Variants in OVCH1 observed in about 807,000 individuals in gnomAD.
OVCH1 encodes ovochymase 1.
A neutral mutation model predicts 138.4 loss-of-function variants in OVCH1; 139 were observed. The ratio of observed to expected loss-of-function variants is 1.00; its 90% confidence interval spans 0.87 to 1.16. The LOEUF (loss-of-function observed/expected upper bound fraction) is 1.16. Among genes scored for constraint, OVCH1 ranks in the 50% most tolerant of loss-of-function variants. The probability of loss-of-function intolerance (pLI) is 0.00; values close to 1 mark genes in which losing one functional copy is unlikely to be tolerated. For synonymous variants in OVCH1, 453 were observed against 467.8 expected (o/e 0.97, Z 0.41); for missense variants, 1,367 against 1,357.9 (o/e 1.01, Z -0.11).
chr12:29,432,743 G>A (rs1941291914), intron 27 of OVCH1, among the ~76,000 whole-genome samples: 1 of 152,230 alleles, frequency 6.6e-6, no homozygotes, highest in South Asian at 2.1e-4. Context: ...TCAAAGACTG[G>A]GTCCTGGGAT....
downstream of OVCH1, among the ~76,000 whole-genome samples, chr12:29,423,773 C>T (rs145219546): frequency 4.6e-5 from 7 of 152,208 alleles, no homozygotes; most frequent in East Asian, 1.9e-4. Context: ...TTCATGATAA[C>T]GGTATCTCAG....
chr12:29,428,960 C>T (rs954024289), intron 27 of OVCH1, among the ~76,000 whole-genome samples: 1 of 152,172 alleles, frequency 6.6e-6, no homozygotes, highest in African/African-American at 2.4e-5. Flanking sequence ...ATTATTCAAG[C>T]TTGGTAAGTG....
intron 19 of OVCH1, among the ~76,000 whole-genome samples, chr12:29,458,277 G>C (rs750899609): frequency 1.3e-5 from 2 of 151,762 alleles, no homozygotes; most frequent in Non-Finnish European, 2.9e-5. Flanking sequence ...GCACAGTACT[G>C]GCATAAAAAC....
intron 27 of OVCH1, among the ~76,000 whole-genome samples, chr12:29,431,185 C>G (rs988310054): frequency 6.6e-6 from 1 of 152,132 alleles, no homozygotes; most frequent in African/African-American, 2.4e-5. Context: ...GCCTGTAATT[C>G]CAGCACTTTG....
At chr12:29,458,534 T>A (rs558747956) in intron 19 of OVCH1, among the ~76,000 whole-genome samples, 12 of 152,188 alleles carry the variant, frequency 7.9e-5, no homozygotes, top group African/African-American at 2.6e-4. Flanking sequence ...CCTCAAACTA[T>A]AAAATTAATA....
intron 27 of OVCH1, among the ~76,000 whole-genome samples, chr12:29,433,171 T>G (rs764562859): frequency 2.6e-5 from 4 of 152,208 alleles, no homozygotes; most frequent in Non-Finnish European, 5.9e-5. Flanking sequence ...ATAACTGATA[T>G]GGTTTTGCTG....
At chr12:29,431,243 C>G (rs2135900562) in intron 27 of OVCH1, among the ~76,000 whole-genome samples, 1 of 152,136 alleles carries the variant, frequency 6.6e-6, no homozygotes, top group Middle Eastern at 3.4e-3. Context: ...TTGAGACCAA[C>G]CTGGGTAACA....
chr12:29,429,805 A>C (rs946843149), intron 27 of OVCH1, among the ~76,000 whole-genome samples: 6 of 152,234 alleles, frequency 3.9e-5, no homozygotes, highest in Non-Finnish European at 5.9e-5. Context: ...ATAATCAAAA[A>C]GAGAAGTTAC....
At chr12:29,452,649 CTTT>C (rs1941830217) in intron 21 of OVCH1, among the ~76,000 whole-genome samples, 1 of 152,158 alleles carries the variant, frequency 6.6e-6, no homozygotes, top group South Asian at 2.1e-4. Flanking sequence ...TCTTTCTAAT[CTTT>C]TTAGTTTTTC....
At chr12:29,446,438 G>C (rs909515864) in intron 22 of OVCH1, among the ~76,000 whole-genome samples, 7 of 152,008 alleles carry the variant, frequency 4.6e-5, no homozygotes, top group Non-Finnish European at 1.0e-4. Flanking sequence ...AAGAAATATA[G>C]CATTTTATAG....
chr12:29,495,435 C>A, exon 4 of OVCH1: 1 of 1,612,938 alleles, frequency 6.2e-7, no homozygotes, highest in Admixed American at 1.7e-5. Flanking sequence ...CCAGAAGTCA[C>A]AGTTATATTC....
At chr12:29,480,121 C>A (rs374414944) in intron 8 of OVCH1, among the ~76,000 whole-genome samples, 1 of 152,022 alleles carries the variant, frequency 6.6e-6, no homozygotes, top group Non-Finnish European at 1.5e-5. Flanking sequence ...CATGCCCAGC[C>A]GGAAACTCTT....
intron 3 of OVCH1, among the ~76,000 whole-genome samples, chr12:29,415,912 A>G (rs961931368): frequency 1.3e-5 from 2 of 152,158 alleles, no homozygotes; most frequent in African/African-American, 4.8e-5. Flanking sequence ...ATGTAGGTAC[A>G]ATAATATGTA....
At chr12:29,406,754 C>T in the OVCH1 span, among the ~76,000 whole-genome samples, 100,139 of 132,304 alleles carry the variant, frequency 0.76, 37,900 homozygotes, top group Middle Eastern at 0.87. Flanking sequence ...TGAATAGTGC[C>T]GCAATAAACA....
At chr12:29,406,019 T>G in the OVCH1 span, among the ~76,000 whole-genome samples, 2 of 152,224 alleles carry the variant, frequency 1.3e-5, no homozygotes, top group Non-Finnish European at 2.9e-5. Context: ...TCCACCCATT[T>G]ACCATTCATA....
chr12:29,458,440 TA>T (rs35083793), intron 19 of OVCH1, among the ~76,000 whole-genome samples: 20,483 of 152,028 alleles, frequency 0.13, 1,360 homozygotes, highest in African/African-American at 0.14. Flanking sequence ...TGGATGTCCT[TA>T]ATACAGAAGA....
intron 25 of OVCH1, among the ~76,000 whole-genome samples, chr12:29,439,593 T>C (rs1396750114): frequency 1.3e-5 from 2 of 152,114 alleles, no homozygotes; most frequent in African/African-American, 4.8e-5. Flanking sequence ...ATGTATGGGA[T>C]TTTTTCCCTC....
intron 5 of OVCH1, among the ~76,000 whole-genome samples, chr12:29,490,151 C>T (rs999026412): frequency 2.6e-5 from 4 of 152,284 alleles, no homozygotes; most frequent in Admixed American, 1.3e-4. Flanking sequence ...GTAGCCTCAA[C>T]CTCCTGGGAG....
downstream of OVCH1, chr12:29,426,015 A>G (rs1941174579): frequency 6.6e-6 from 1 of 152,208 alleles, no homozygotes; most frequent in African/African-American, 2.4e-5. Context: ...TTTAGTAACC[A>G]GATTGCACAC....
Sources: allele counts gnomAD v4.1 joint callset (sites outside exome capture counted in the v4.1 genomes callset), GRCh38; gene constraint gnomAD v4.1.1; transcripts MANE v1.5; gene names NCBI Gene and HGNC (gene_info 2026-07-23, HGNC 2026-07-21).